PARVA: variants seen among roughly 807,000 people sequenced by gnomAD.
PARVA encodes the protein parvin alpha.
In PARVA, 25 loss-of-function variants were observed where a neutral mutation model predicts 52.6. That is an observed-to-expected ratio of 0.48 (90% confidence interval 0.35 to 0.66). PARVA has a LOEUF of 0.66. PARVA is among the 30% of genes least tolerant of loss of function. The pLI is 0.01. For missense variants in PARVA, 373 were observed against 450.9 expected (o/e 0.83, Z 1.56); for synonymous variants, 185 against 179.1 (o/e 1.03, Z -0.26).
intron 10 of PARVA, 60 bp from the exon 11 acceptor site, chr11:12,517,550 C>G (rs1281203574): frequency 1.4e-5 from 18 of 1,281,066 alleles, no homozygotes; most frequent in Non-Finnish European, 2.0e-5. Context: ...GATGGGCCCC[C>G]TGGATGGGGA....
intron 1 of PARVA, among the ~76,000 whole-genome samples, chr11:12,423,907 C>T (rs940256880): frequency 2.0e-5 from 3 of 152,130 alleles, no homozygotes; most frequent in Admixed American, 2.0e-4. Flanking sequence ...ATTACATCCT[C>T]CTGCAATCTT....
At chr11:12,495,525 A>G (rs541375690) in intron 4 of PARVA, among the ~76,000 whole-genome samples, 17 of 152,344 alleles carry the variant, frequency 1.1e-4, no homozygotes, top group Middle Eastern at 3.4e-3. Context: ...AGTGGTAGGC[A>G]ACCAATTTCC....
At chr11:12,412,045 A>G (rs1048977407) in intron 1 of PARVA, among the ~76,000 whole-genome samples, 1 of 152,150 alleles carries the variant, frequency 6.6e-6, no homozygotes, top group African/African-American at 2.4e-5. Flanking sequence ...TCTAAGATCC[A>G]GTTTAACTTA....
At chr11:12,483,396 A>G (rs1231590891) in intron 4 of PARVA, among the ~76,000 whole-genome samples, 2 of 152,220 alleles carry the variant, frequency 1.3e-5, no homozygotes, top group African/African-American at 4.8e-5. Context: ...AGAAATGCCA[A>G]ACACGAGTAT....
rs1249820363 is a variant in PARVA at position 12,529,995 on chromosome 11, GAAGT to G, written c.*2074_*2077del. Reference sequence around the variant, plus strand: ...TTCTTGAGCAATACTGAAGCAGGATGAAGTAAGAGGAATGCATTCATTTAAACAT... The same window carrying G: ...TTCTTGAGCAATACTGAAGCAGGATGAAGAGGAATGCATTCATTTAAACAT... On this transcript the variant is annotated 3_prime_UTR_variant, in exon 13 of 13. Transcript: ENST00000334956. The G allele has an allele frequency of 6.6e-6, 1 of 152,218 alleles. No homozygotes were observed. The highest frequency in any genetic ancestry group is 2.4e-5 in the African/African-American group (1 of 41,452). The allele number at this position is 152,218 out of a possible 1,614,324, so 9.4% of individuals were successfully genotyped here.
chr11:12,496,633 A>G (rs1456860505), intron 5 of PARVA, 35 bp downstream of exon 5: 3 of 1,598,314 alleles, frequency 1.9e-6, no homozygotes, highest in Non-Finnish European at 2.6e-6. Context: ...ACCATTAAAC[A>G]ATGCCTGTGG....
rs1448780252 is a variant in PARVA, at chr11:12,530,307, C to T, written c.*2382C>T. 6.6e-6 allele frequency: 1 copy of T among 152,044 alleles called. No individual in the cohort carries two copies. Among genetic ancestry groups the T allele is most frequent in the African/African-American group, 2.4e-5 (1 of 41,386 alleles). The allele number at this position is 152,044 out of a possible 1,614,324, so 9.4% of individuals were successfully genotyped here. ...TATTTTACTTTAGAACCTGGAATCT[C>T]CTACTTAATATATGACCATGACTTT... is the stretch of plus-strand genomic sequence containing the variant. On this transcript the variant is annotated 3_prime_UTR_variant, in exon 13 of 13. Transcript: ENST00000334956.
Position 12,397,225 on chromosome 11 carries a change from CATTT to C in PARVA, c.136+19450_136+19453del, listed in dbSNP as rs72305166. On this transcript the variant is annotated intron_variant, in intron 1 of 12. Coordinates refer to ENST00000334956, the MANE Select transcript of PARVA (RefSeq NM_018222.5). ...AGATAATTTATTTAATCATATCTTTCATTTATTTATTCTTATTTTTAGAGATGGC... is the reference window on the plus strand; with the variant it reads ...AGATAATTTATTTAATCATATCTTTCATTTATTCTTATTTTTAGAGATGGC... 4.3e-3 allele frequency among the ~76,000 whole-genome samples: 649 copies of C among 152,106 alleles called. 5 individuals carry two copies. The highest frequency in any genetic ancestry group is 5.6e-3 in the Non-Finnish European group (383 of 68,006).
intron 1 of PARVA, among the ~76,000 whole-genome samples, chr11:12,407,629 T>C (rs1314403152): frequency 6.6e-6 from 1 of 152,182 alleles, no homozygotes; most frequent in Non-Finnish European, 1.5e-5. Context: ...CTTGGTCTCT[T>C]CTCACACCCT....
At chr11:12,419,278 C>A (rs1361250928) in intron 1 of PARVA, among the ~76,000 whole-genome samples, 2 of 152,000 alleles carry the variant, frequency 1.3e-5, no homozygotes, top group African/African-American at 4.8e-5. Flanking sequence ...CCCCATTCTC[C>A]CCACCCCCCA....
At chr11:12,454,596 A>G (rs985342516) in intron 1 of PARVA, among the ~76,000 whole-genome samples, 2 of 151,908 alleles carry the variant, frequency 1.3e-5, no homozygotes, top group Non-Finnish European at 2.9e-5. Flanking sequence ...AAAAAGAAGA[A>G]GAACTTCTGA....
intron 6 of PARVA, among the ~76,000 whole-genome samples, chr11:12,506,178 C>T (rs1276833095): frequency 6.6e-6 from 1 of 151,998 alleles, no homozygotes; most frequent in Admixed American, 6.6e-5. Flanking sequence ...AAAATATAGT[C>T]TGTTTTTTTT....
intron 4 of PARVA, among the ~76,000 whole-genome samples, chr11:12,495,426 A>G (rs960221803): frequency 4.6e-5 from 7 of 152,256 alleles, no homozygotes; most frequent in Admixed American, 1.3e-4. Context: ...TAACTTGTAT[A>G]GCAGCCCTTA....
At chr11:12,405,020 G>A (rs555016756) in intron 1 of PARVA, among the ~76,000 whole-genome samples, 1 of 152,138 alleles carries the variant, frequency 6.6e-6, no homozygotes, top group Non-Finnish European at 1.5e-5. Flanking sequence ...GGGTATCTAG[G>A]TGCAACTCAT....
At chr11:12,518,560 C>T in intron 12 of PARVA, 43 bp downstream of exon 12, 1 of 1,386,030 alleles carries the variant, frequency 7.2e-7, no homozygotes, top group Non-Finnish European at 1.0e-6. Flanking sequence ...GAGTGAGACC[C>T]TCTCCCTGCA....
chr11:12,497,473 G>A (rs529927182), intron 5 of PARVA, among the ~76,000 whole-genome samples: 1 of 152,192 alleles, frequency 6.6e-6, no homozygotes, highest in Admixed American at 6.5e-5. Flanking sequence ...AGCAAATGGA[G>A]TCTTCACCTC....
intron 1 of PARVA, among the ~76,000 whole-genome samples, chr11:12,412,231 G>T (rs141387475): frequency 1.3e-5 from 2 of 152,202 alleles, no homozygotes; most frequent in Admixed American, 1.3e-4. Context: ...CATGTCCAGC[G>T]TGAGCCTGGC....
intron 5 of PARVA, among the ~76,000 whole-genome samples, chr11:12,498,183 G>A (rs1257194004): frequency 1.3e-5 from 2 of 151,896 alleles, no homozygotes; most frequent in East Asian, 3.9e-4. Context: ...ACAGGCGTGT[G>A]CCACCAAGCC....
intron 4 of PARVA, among the ~76,000 whole-genome samples, chr11:12,494,675 T>C (rs977710046): frequency 1.3e-5 from 2 of 151,452 alleles, no homozygotes; most frequent in African/African-American, 4.8e-5. Flanking sequence ...AAGAATGAAC[T>C]AGACAACTGT....
Sources: gnomAD v4.1 joint callset for allele counts (sites outside exome capture counted in the v4.1 genomes callset) on GRCh38, gnomAD v4.1.1 for gene constraint, MANE v1.5 for transcripts, NCBI Gene and HGNC (gene_info 2026-07-23, HGNC 2026-07-21) for gene names.